PCDHGA3: variants seen among roughly 807,000 people sequenced by gnomAD.
The protein encoded by PCDHGA3 is protocadherin gamma subfamily A, 3.
Under a neutral mutation model 58.5 loss-of-function variants are expected in PCDHGA3, and 40 were observed. That is an observed-to-expected ratio of 0.68 (90% CI 0.53 to 0.89). The LOEUF (loss-of-function observed/expected upper bound fraction) is 0.89. PCDHGA3 is among the 40% of genes least tolerant of loss of function. PCDHGA3 has a pLI of 0.00. For synonymous variants in PCDHGA3, 530 were observed against 525.7 expected, an observed-to-expected ratio of 1.01 and a Z score of -0.11; for missense variants, 1,223 against 1,195.9, an observed-to-expected ratio of 1.02 and a Z score of -0.33.
intron 1 of PCDHGA3, chr5:141,394,190 G>T (rs1370592594): frequency 1.2e-6 from 2 of 1,613,684 alleles, no homozygotes; most frequent in Non-Finnish European, 1.7e-6. Flanking sequence ...CCTACTCAGC[G>T]TATATCCTAG....
At chr5:141,383,066 C>T (rs1305703893) in intron 1 of PCDHGA3, 1 of 1,613,826 alleles carries the variant, frequency 6.2e-7, no homozygotes, top group Admixed American at 1.7e-5. Flanking sequence ...GGGCTGGAGC[C>T]CCGGGAGCTG....
chr5:141,403,127 C>G, intron 1 of PCDHGA3: 1 of 1,614,062 alleles, frequency 6.2e-7, no homozygotes, highest in Non-Finnish European at 8.5e-7. Context: ...GCCCCGGGAG[C>G]TGGCGGAGCG....
intron 1 of PCDHGA3, among the ~76,000 whole-genome samples, chr5:141,482,857 A>T (rs2099573663): frequency 6.6e-6 from 1 of 152,140 alleles, no homozygotes; most frequent in Admixed American, 6.5e-5. Flanking sequence ...AGATCACTTG[A>T]GGTCAGGAGT....
At chr5:141,418,641 T>C in intron 1 of PCDHGA3, 3 of 1,614,028 alleles carry the variant, frequency 1.9e-6, no homozygotes, top group Non-Finnish European at 2.5e-6. Flanking sequence ...GGCACCTCCA[T>C]CCTGAGAGTG....
Position 141,375,827 on chromosome 5 carries a change from G to T in PCDHGA3, c.2424+29370G>T, listed in dbSNP as rs779058063. On this transcript the variant is annotated intron_variant, in intron 1 of 3. Transcript: ENST00000253812. ...TGGCGTGGAGCTGGCGCCCCGCTCC[G>T]CAGAGCCCGGCTACCTGGTGACCAA... The T allele has an allele frequency of 4.3e-6, 7 of 1,614,136 alleles. No individual in the cohort carries two copies. The highest frequency in any genetic ancestry group is 2.7e-5 in the African/African-American group (2 of 75,070).
intron 1 of PCDHGA3, among the ~76,000 whole-genome samples, chr5:141,494,399 T>A (rs2099754028): frequency 6.6e-6 from 1 of 152,146 alleles, no homozygotes; most frequent in South Asian, 2.1e-4. Context: ...ATAAATTCAT[T>A]CTAGGGCTGG....
At chr5:141,362,916 A>G (rs17097238) in intron 1 of PCDHGA3, among the ~76,000 whole-genome samples, 21,522 of 152,218 alleles carry the variant, frequency 0.14, 2,117 homozygotes, top group African/African-American at 0.29. Context: ...ATAATACTTC[A>G]GAGTAAAGAG....
At position 141,432,749 on chromosome 5, in the gene PCDHGA3, G is replaced by A; in HGVS notation, c.2425-62058G>A. 6.8e-6 allele frequency: 11 copies of A among 1,614,106 alleles called. No homozygotes were observed. The highest frequency in any genetic ancestry group is 9.3e-6 in the Non-Finnish European group (11 of 1,179,980). On this transcript the variant is annotated intron_variant, in intron 1 of 3. Coordinates refer to ENST00000253812, the MANE Select transcript of PCDHGA3 (RefSeq NM_018916.4). The surrounding 1 kb of genome is among the most constrained non-coding windows in gnomAD (Gnocchi z 6.0). ...CGCCACTGTCACGCTCACCGTGGCCGTGGCCGACAGCATCCCCCAAGTCCT... is the reference window on the plus strand; with the variant it reads ...CGCCACTGTCACGCTCACCGTGGCCATGGCCGACAGCATCCCCCAAGTCCT...
chr5:141,394,652 G>T (rs1589237070), intron 1 of PCDHGA3: 1 of 1,613,422 alleles, frequency 6.2e-7, no homozygotes, highest in Non-Finnish European at 8.5e-7. Flanking sequence ...AGGCCAGCGA[G>T]CCGGGACTCT....
At chr5:141,422,458 C>T (rs375149811) in intron 1 of PCDHGA3, 264 of 1,613,148 alleles carry the variant, frequency 1.6e-4, no homozygotes, top group Non-Finnish European at 2.1e-4. Context: ...AAGCAGAGTG[C>T]TGGACAGGGA....
rs373286702 is a variant in PCDHGA3, at chr5:141,421,190, A to T, written c.2425-73617A>T. ...TACATAAGCCGATTCACAACCAACC[A>T]GCTCGAGAAACCGCGGAATATCGGC... On this transcript the variant is annotated intron_variant, in intron 1 of 3. Transcript: ENST00000253812. The T allele has an allele frequency of 4.7e-6, 7 of 1,480,168 alleles. No homozygotes were observed. The South Asian group carries it at 9.4e-5, about 20-fold the overall frequency. 91.7% of individuals were successfully genotyped at this position (1,480,168 alleles called of 1,614,324 possible).
intron 1 of PCDHGA3, chr5:141,414,389 A>G: frequency 1.9e-6 from 3 of 1,613,926 alleles, no homozygotes; most frequent in African/African-American, 2.7e-5. Context: ...ATTGACAGTT[A>G]TTACAGATTG....
intron 1 of PCDHGA3, chr5:141,372,361 C>T (rs1227917364): frequency 1.2e-6 from 2 of 1,613,834 alleles, no homozygotes; most frequent in Admixed American, 3.3e-5. Flanking sequence ...CCTCTTTCAG[C>T]CACCGTCATG....
chr5:141,414,330 G>A (rs1472752550), intron 1 of PCDHGA3: 2 of 1,613,714 alleles, frequency 1.2e-6, no homozygotes, highest in Non-Finnish European at 1.7e-6. Flanking sequence ...AGAATGGACA[G>A]GTAACCTGTT....
At chr5:141,354,473 T>A (rs1342061479) in intron 1 of PCDHGA3, among the ~76,000 whole-genome samples, 1 of 152,204 alleles carries the variant, frequency 6.6e-6, no homozygotes, top group Non-Finnish European at 1.5e-5. Context: ...TTGTACAGGG[T>A]AAGGCTAACT....
chr5:141,489,723 T>C lies in PCDHGA3; in HGVS notation c.2425-5084T>C, dbSNP rs900332220. ...CACTGGACAGTGCCCAGGATCCGGA[T>C]GTGGGCACCAATACTGTGAGCTTTT... On this transcript the variant is annotated intron_variant, in intron 1 of 3. Coordinates refer to ENST00000253812, the MANE Select transcript of PCDHGA3 (RefSeq NM_018916.4). This position sits in a 1 kb window ranked among gnomAD's most constrained non-coding sequence, Gnocchi z 4.5. 4.3e-6 allele frequency: 7 copies of C among 1,613,958 alleles called. No homozygotes were observed. The highest frequency in any genetic ancestry group is 5.9e-6 in the Non-Finnish European group (7 of 1,179,940).
At position 141,361,753 on chromosome 5, in the gene PCDHGA3, C is replaced by T. The variant is rs867300668; in HGVS notation, c.2424+15296C>T. Reference sequence around the variant, plus strand: ...ACTGCAGGCCCGCGACCAGGGCTCGCCCGCGCTCAGCGCCAACGTGAGCCT... The same window carrying T: ...ACTGCAGGCCCGCGACCAGGGCTCGTCCGCGCTCAGCGCCAACGTGAGCCT... On this transcript the variant is annotated intron_variant, in intron 1 of 3. Transcript: ENST00000253812. 3.7e-6 allele frequency: 6 copies of T among 1,613,058 alleles called. No individual in the cohort carries two copies. The East Asian group carries it at 1.3e-4, about 36-fold the overall frequency.
chr5:141,364,828 T>C (rs57308563), intron 1 of PCDHGA3: 152,960 of 1,613,868 alleles, frequency 0.095, 8,950 homozygotes, highest in African/African-American at 0.29. Flanking sequence ...GTGTGAACTC[T>C]CTCCGGAGTT....
chr5:141,384,998 T>A, intron 1 of PCDHGA3: 1 of 1,614,130 alleles, frequency 6.2e-7, no homozygotes, highest in East Asian at 2.2e-5. Flanking sequence ...GTGGCCACAG[T>A]CTCCTGCGTC....
Sources: allele counts gnomAD v4.1 joint callset (sites outside exome capture counted in the v4.1 genomes callset), GRCh38; gene constraint gnomAD v4.1.1; non-coding constraint Gnocchi (gnomAD v3.1); transcripts MANE v1.5; gene names NCBI Gene and HGNC (gene_info 2026-07-23, HGNC 2026-07-21).